NCBP3: variants seen among roughly 807,000 people sequenced by gnomAD.
NCBP3 encodes nuclear cap binding subunit 3, also known as nuclear cap-binding protein subunit 3.
A neutral mutation model predicts 75.7 loss-of-function variants in NCBP3; 20 were observed. The ratio of observed to expected loss-of-function variants is 0.26; its 90% confidence interval spans 0.19 to 0.38. NCBP3 has a LOEUF of 0.38. NCBP3 is among the 10% of genes least tolerant of loss of function. The pLI, the probability that NCBP3 is intolerant of heterozygous loss-of-function variation, is 1.00. For synonymous variants in NCBP3, 293 were observed against 290.5 expected, an observed-to-expected ratio of 1.01 and a Z score of -0.09; for missense variants, 678 against 796.9, an observed-to-expected ratio of 0.85 and a Z score of 1.80.
At chr17:3,829,153 T>C (rs2053835513) in intron 4 of NCBP3, 90 bp downstream of exon 4, 6 of 1,402,344 alleles carry the variant, frequency 4.3e-6, no homozygotes, top group African/African-American at 1.4e-5. Flanking sequence ...ACAAGTAGTA[T>C]GGGCCAGAAC....
chr17:3,813,102 G>A lies in NCBP3; in HGVS notation c.1805C>T (p.Pro602Leu). 6.2e-7 allele frequency: 1 copy of A among 1,614,202 alleles called. No individual in the cohort carries two copies. Among genetic ancestry groups the A allele is most frequent in the African/African-American group, 1.3e-5 (1 of 75,056 alleles). The part of the protein sequence containing the change: ...RQKKSRLDNL[P>L]SLQIEVSRES... ...CCGACTAACTTCAATCTGGAGAGAT[G>A]GTAAGTTATCTAACCGGCTCTTCTT... Residue 602 changes from proline (P) to leucine (L), a missense_variant, in exon 13 of 13, where the codon CCA becomes CTA. Coordinates refer to ENST00000389005, the MANE Select transcript of NCBP3 (RefSeq NM_001114118.3).
intron 7 of NCBP3, chr17:3,824,329 C>T (rs1378033177): frequency 7.0e-6 from 1 of 142,006 alleles, no homozygotes; most frequent in Non-Finnish European, 1.5e-5. Flanking sequence ...AATACATATA[C>T]ATACATACAT....
chr17:3,826,506 CG>C (rs1409013008), intron 4 of NCBP3, among the ~76,000 whole-genome samples: 1 of 152,008 alleles, frequency 6.6e-6, no homozygotes, highest in Non-Finnish European at 1.5e-5. Flanking sequence ...TGGCATGAGC[CG>C]GTAGTCCCAG....
At chr17:3,825,096 G>A in intron 6 of NCBP3, 46 bp from the exon 7 acceptor site, 2 of 1,111,698 alleles carry the variant, frequency 1.8e-6, no homozygotes, top group Non-Finnish European at 2.6e-6. Context: ...AAGTCCTTTT[G>A]ATATTTCTTC....
intron 11 of NCBP3, among the ~76,000 whole-genome samples, chr17:3,815,012 T>G (rs2053502925): frequency 6.6e-6 from 1 of 152,232 alleles, no homozygotes; most frequent in Non-Finnish European, 1.5e-5. Context: ...GGTGAGGCCC[T>G]GTGCCGAGGT....
At chr17:3,818,000 A>C (rs936463602) in intron 10 of NCBP3, among the ~76,000 whole-genome samples, 1 of 150,974 alleles carries the variant, frequency 6.6e-6, no homozygotes, top group South Asian at 2.1e-4. Flanking sequence ...CAAATAGCTG[A>C]AAGGTTATTC....
rs746657191 is a variant in NCBP3 at position 3,806,883 on chromosome 17, C to T, written c.*6161G>A. The T allele has an allele frequency of 4.4e-4, 67 of 152,232 alleles. No individual in the cohort carries two copies. Among genetic ancestry groups the T allele is most frequent in the Admixed American group, 3.7e-3 (57 of 15,286 alleles). 9.4% of individuals were successfully genotyped at this position (152,232 alleles called of 1,614,324 possible). ...TCAAAAGCATTCTCTTCTTTCAGTT[C>T]GTAAAAGAAAAACATGGTTTAACTT... On this transcript the variant is annotated 3_prime_UTR_variant, in exon 13 of 13. Transcript: ENST00000389005.
Position 3,803,407 on chromosome 17 carries a change from G to C in NCBP3, c.*9637C>G, listed in dbSNP as rs1263131406. On this transcript the variant is annotated 3_prime_UTR_variant, in exon 13 of 13. Transcript: ENST00000389005. ...CATTATTGGGACAGTTGGCAAATTT[G>C]AAACAGGAACTACAAATTAGCAACT... 6.6e-6 allele frequency: 1 copy of C among 152,218 alleles called. No homozygotes were observed. The highest frequency in any genetic ancestry group is 1.5e-5 in the Non-Finnish European group (1 of 68,032). The allele number at this position is 152,218 out of a possible 1,614,324, so 9.4% of individuals were successfully genotyped here. A position where few individuals can be genotyped will look rare whatever the true frequency, so the allele number is the denominator to read the frequency against.
intron 10 of NCBP3, among the ~76,000 whole-genome samples, chr17:3,817,054 T>C: frequency 6.7e-6 from 1 of 150,204 alleles, no homozygotes; most frequent in African/African-American, 2.4e-5. Flanking sequence ...AAGAACGTGG[T>C]GAACAAGGCC....
chr17:3,821,937 A>G lies in NCBP3; in HGVS notation c.896+16T>C, dbSNP rs767337376. On this transcript the variant is annotated intron_variant, in intron 8 of 12. Transcript: ENST00000389005. ...AAAAACTCAAATACTATTGCATTTGAAGGTTTTGGACTCACCATGAATTGC... is the reference window on the plus strand; with the variant it reads ...AAAAACTCAAATACTATTGCATTTGGAGGTTTTGGACTCACCATGAATTGC... The G allele has an allele frequency of 1.7e-5, 26 of 1,519,852 alleles. No homozygotes were observed. Among genetic ancestry groups the G allele is most frequent in the Non-Finnish European group, 2.2e-5 (24 of 1,103,328 alleles). 94.1% of individuals were successfully genotyped at this position (1,519,852 alleles called of 1,614,324 possible).
rs1313056097 is a variant in NCBP3, at chr17:3,831,827, A to G, written c.356-2459T>C. 5.7e-5 allele frequency among the ~76,000 whole-genome samples: 7 copies of G among 121,756 alleles called. 2 individuals carry two copies. Among genetic ancestry groups the G allele is most frequent in the Admixed American group, 4.1e-4 (5 of 12,068 alleles). The allele number at this position is 121,756 out of a possible 152,430, so 79.9% of individuals were successfully genotyped here. A position where few individuals can be genotyped will look rare whatever the true frequency, so the allele number is the denominator to read the frequency against. The stretch of plus-strand genomic sequence containing the variant: ...CACAGTAGGGTGACTACAGTCAATA[A>G]TAATTTAATTGTAAATTTTAAAATA... On this transcript the variant is annotated intron_variant, in intron 3 of 12. Coordinates refer to ENST00000389005, the MANE Select transcript of NCBP3 (RefSeq NM_001114118.3).
intron 3 of NCBP3, among the ~76,000 whole-genome samples, chr17:3,835,348 G>A (rs1389000906): frequency 2.0e-5 from 3 of 152,240 alleles, no homozygotes; most frequent in South Asian, 4.1e-4. Context: ...AGACAACGGT[G>A]AGGAACAGTC....
chr17:3,829,017 T>C (rs1436639755), intron 4 of NCBP3, among the ~76,000 whole-genome samples: 1 of 152,086 alleles, frequency 6.6e-6, no homozygotes, highest in African/African-American at 2.4e-5. Flanking sequence ...CCTAGAGCCC[T>C]GGCCACCACC....
intron 3 of NCBP3, among the ~76,000 whole-genome samples, chr17:3,831,374 CCATCTGGCCAA>C (rs1341947969): frequency 2.0e-5 from 3 of 151,452 alleles, no homozygotes; most frequent in South Asian, 4.2e-4. Flanking sequence ...GAGGTCGAGA[CCATCTGGCCAA>C]CATGGTGAAA....
intron 3 of NCBP3, among the ~76,000 whole-genome samples, chr17:3,834,780 C>G (rs1052470823): frequency 1.3e-5 from 2 of 151,596 alleles, no homozygotes; most frequent in Non-Finnish European, 2.9e-5. Flanking sequence ...ATCTTTCCCA[C>G]AGGAAATGAC....
intron 4 of NCBP3, among the ~76,000 whole-genome samples, chr17:3,826,958 C>T (rs1012440134): frequency 7.1e-6 from 1 of 140,460 alleles, no homozygotes; most frequent in Admixed American, 7.5e-5. Context: ...TGCAGTGAGC[C>T]GAGATGATGC....
intron 3 of NCBP3, among the ~76,000 whole-genome samples, chr17:3,832,751 T>G (rs2053906907): frequency 6.6e-6 from 1 of 152,188 alleles, no homozygotes. Flanking sequence ...ATCCTTCTTC[T>G]GCAGATATAT....
chr17:3,834,946 C>T (rs576955339), intron 3 of NCBP3, among the ~76,000 whole-genome samples: 8 of 152,186 alleles, frequency 5.3e-5, no homozygotes, highest in South Asian at 2.1e-4. Context: ...CATTAAGCCA[C>T]GTAATCCAGT....
At position 3,816,292 on chromosome 17, in the gene NCBP3, G is replaced by A. The variant is rs374746138; in HGVS notation, c.1311-22C>T. On this transcript the variant is annotated intron_variant, in intron 10 of 12. Coordinates refer to ENST00000389005, the MANE Select transcript of NCBP3 (RefSeq NM_001114118.3). ...GTTCCTTTAAAAAGGGGGTAGGATG[G>A]GGCACAGTTAACCAACTTCAACTGT... is the stretch of plus-strand genomic sequence containing the variant. 134 of 1,604,030 alleles carry A rather than the reference G, an allele frequency of 8.4e-5. No individual in the cohort carries two copies. In the African/African-American group the frequency reaches 1.4e-3, roughly 17 times the overall value.
Sources: allele counts gnomAD v4.1 joint callset (sites outside exome capture counted in the v4.1 genomes callset), GRCh38; gene constraint gnomAD v4.1.1; transcripts MANE v1.5; gene names NCBI Gene and HGNC (gene_info 2026-07-23, HGNC 2026-07-21).